XXYLT1: variants seen among roughly 807,000 people sequenced by gnomAD.
XXYLT1 encodes UDP-xylose:alpha-xyloside alpha-1,3-xylosyltransferase.
XXYLT1 carries 20 observed loss-of-function variants against 28.9 expected under a neutral mutation model. The observed-to-expected ratio is 0.69, with a 90% CI of 0.49 to 1.00. The LOEUF (loss-of-function observed/expected upper bound fraction) is 1.00. Among genes scored for constraint, XXYLT1 ranks in the 50% least tolerant of loss-of-function variants. The pLI is 0.00. For synonymous variants in XXYLT1, 257 were observed against 253.8 expected (o/e 1.01, Z -0.12); for missense variants, 542 against 560.1 (o/e 0.97, Z 0.33).
At chr3:195,141,038 G>A (rs73206651) in intron 3 of XXYLT1, among the ~76,000 whole-genome samples, 17,831 of 152,058 alleles carry the variant, frequency 0.12, 1,185 homozygotes, top group East Asian at 0.27. Context: ...GATACAAGAC[G>A]GCCATCTGCA....
intron 1 of XXYLT1, among the ~76,000 whole-genome samples, chr3:195,260,313 C>G (rs2108853179): frequency 6.6e-6 from 1 of 152,038 alleles, no homozygotes; most frequent in South Asian, 2.1e-4. Flanking sequence ...ACGCCCGACG[C>G]CCGCGGCCCC....
chr3:195,154,651 G>A (rs1236339611), intron 3 of XXYLT1, among the ~76,000 whole-genome samples: 2 of 152,108 alleles, frequency 1.3e-5, no homozygotes, highest in African/African-American at 2.4e-5. Context: ...GAGGAGTAAC[G>A]CAAACCCCAG....
At chr3:195,204,537 T>TGGCC (rs1722993300) in intron 2 of XXYLT1, among the ~76,000 whole-genome samples, 1 of 151,744 alleles carries the variant, frequency 6.6e-6, no homozygotes, top group African/African-American at 2.4e-5. Flanking sequence ...TCTGAACTGC[T>TGGCC]GGCCAGCCAG....
Position 195,069,942 on chromosome 3 carries a change from C to A in XXYLT1, c.955G>T (p.Ala319Ser). The stretch of plus-strand genomic sequence containing the variant: ...TGGCCGCGGAAGTGGTACTTGTCGG[C>A]CAGCTGCTGCACCTGCGCCGGCTCC... ...LLEPAQVQQL[A>S]DKYHFRGHLG... Residue 319 changes from alanine (A) to serine (S), a missense_variant, in exon 4 of 4, where the codon GCC becomes TCC. Physicochemically the swap from Ala to Ser is moderately conservative, Grantham distance 99. Transcript: ENST00000310380. 2 of 1,612,822 alleles carry A rather than the reference C, an allele frequency of 1.2e-6. No homozygotes were observed. Among genetic ancestry groups the A allele is most frequent in the South Asian group, 1.1e-5 (1 of 91,072 alleles).
chr3:195,109,865 T>TGA (rs1257088843), intron 3 of XXYLT1, among the ~76,000 whole-genome samples: 2 of 62,464 alleles, frequency 3.2e-5, no homozygotes, highest in Non-Finnish European at 7.9e-5. Flanking sequence ...CCTGTGTGTG[T>TGA]GGTGTATGTG....
At position 195,120,617 on chromosome 3, in the gene XXYLT1, T is replaced by C. The variant is rs374148030; in HGVS notation, c.785+35832A>G. Among the ~76,000 whole-genome samples the C allele has an allele frequency of 7.2e-5, 11 of 152,334 alleles. 1 individual carries two copies. The highest frequency in any genetic ancestry group is 6.5e-4 in the Admixed American group (10 of 15,306). On this transcript the variant is annotated intron_variant, in intron 3 of 3. Coordinates refer to ENST00000310380, the MANE Select transcript of XXYLT1 (RefSeq NM_152531.5). The stretch of plus-strand genomic sequence containing the variant: ...CACCCCTGTATTCCCATGACTATCG[T>C]TAGCATTGCTATTATCCCTGCAGTG...
rs1466811496 is a variant in XXYLT1, at chr3:195,107,577, AGG to A, written c.786-37468_786-37467del. Among the ~76,000 whole-genome samples the A allele has an allele frequency of 6.4e-4, 8 of 12,440 alleles. 1 individual carries two copies. The highest frequency in any genetic ancestry group is 3.0e-3 in the East Asian group (1 of 336). The allele number at this position is 12,440 out of a possible 152,430, so 8.2% of individuals were successfully genotyped here. On this transcript the variant is annotated intron_variant, in intron 3 of 3. Coordinates refer to ENST00000310380, the MANE Select transcript of XXYLT1 (RefSeq NM_152531.5). ...GGAAGAGGGGGAGAGGAGGAGGGGG[AGG>A]AGGAGGGGGAGGAGGAGGGGGAGGA...
chr3:195,143,746 T>A (rs1719609194), intron 3 of XXYLT1, among the ~76,000 whole-genome samples: 3 of 146,064 alleles, frequency 2.1e-5, no homozygotes, highest in Non-Finnish European at 4.5e-5. Flanking sequence ...TACTAGATGA[T>A]CACCTTTTCT....
chr3:195,155,226 C>T (rs1273663525), intron 3 of XXYLT1, among the ~76,000 whole-genome samples: 2 of 152,244 alleles, frequency 1.3e-5, no homozygotes, highest in Non-Finnish European at 2.9e-5. Flanking sequence ...CTCTTCACCC[C>T]CTCTTTCTGA....
intron 3 of XXYLT1, among the ~76,000 whole-genome samples, chr3:195,145,570 T>G (rs1397892400): frequency 2.9e-5 from 4 of 139,580 alleles, no homozygotes; most frequent in Admixed American, 2.7e-4. Flanking sequence ...CACTCCACGG[T>G]GACCGGCATT....
chr3:195,211,271 G>A, intron 2 of XXYLT1, among the ~76,000 whole-genome samples: 1 of 152,178 alleles, frequency 6.6e-6, no homozygotes, highest in East Asian at 1.9e-4. Flanking sequence ...GCTCACGCCT[G>A]TAATCCCAGC....
At chr3:195,112,774 C>T (rs1357319717) in intron 3 of XXYLT1, among the ~76,000 whole-genome samples, 1 of 151,236 alleles carries the variant, frequency 6.6e-6, no homozygotes, top group Admixed American at 6.6e-5. Context: ...CACACACACA[C>T]ACCCATGCAC....
In XXYLT1 at chr3:195,077,323, C is replaced by T. The variant is rs566319564; in HGVS notation, c.786-7212G>A. ...TGCAATCTCAACCCAGAGGCAGTGCCGCAATAACATGGATGGAATGGGGAA... is the reference window on the plus strand; with the variant it reads ...TGCAATCTCAACCCAGAGGCAGTGCTGCAATAACATGGATGGAATGGGGAA... On this transcript the variant is annotated intron_variant, in intron 3 of 3. Transcript: ENST00000310380. This position sits in a 1 kb window ranked among gnomAD's most constrained non-coding sequence, Gnocchi z 4.8. 1.3e-5 allele frequency among the ~76,000 whole-genome samples: 2 copies of T among 152,188 alleles called. No homozygotes were observed. Among genetic ancestry groups the T allele is most frequent in the Non-Finnish European group, 1.5e-5 (1 of 68,016 alleles).
In XXYLT1 at chr3:195,173,675, A is replaced by T. The variant is rs1461166349; in HGVS notation, c.653-17094T>A. 6.6e-6 allele frequency among the ~76,000 whole-genome samples: 1 copy of T among 152,220 alleles called. No homozygotes were observed. Among genetic ancestry groups the T allele is most frequent in the African/African-American group, 2.4e-5 (1 of 41,446 alleles). Reference sequence around the variant, plus strand: ...CCACAGTAGTCCACTGACTCGGGGTAAAGTACGGGCTCAGGGGAATCCTAC... The same window carrying T: ...CCACAGTAGTCCACTGACTCGGGGTTAAGTACGGGCTCAGGGGAATCCTAC... On this transcript the variant is annotated intron_variant, in intron 2 of 3. Transcript: ENST00000310380. The surrounding 1 kb of genome is among the most constrained non-coding windows in gnomAD (Gnocchi z 4.3).
chr3:195,212,925 C>T (rs910966275), intron 2 of XXYLT1, among the ~76,000 whole-genome samples: 24 of 152,328 alleles, frequency 1.6e-4, no homozygotes, highest in Admixed American at 4.6e-4. Context: ...GCCGCGAGGG[C>T]GCTCCACCCA....
intron 3 of XXYLT1, among the ~76,000 whole-genome samples, chr3:195,088,154 C>G (rs1020742911): frequency 4.0e-5 from 6 of 151,228 alleles, no homozygotes; most frequent in East Asian, 3.9e-4. Context: ...ACAAAGCAGC[C>G]GGGAAGCTCG....
At chr3:195,250,253 C>T (rs1008705727) in intron 1 of XXYLT1, among the ~76,000 whole-genome samples, 1 of 152,208 alleles carries the variant, frequency 6.6e-6, no homozygotes, top group African/African-American at 2.4e-5. Flanking sequence ...TGACAGCTTC[C>T]CTGCCCATCC....
At chr3:195,114,169 C>A (rs1351680429) in intron 3 of XXYLT1, among the ~76,000 whole-genome samples, 1 of 152,230 alleles carries the variant, frequency 6.6e-6, no homozygotes, top group Non-Finnish European at 1.5e-5. Context: ...ATGGTGGCAG[C>A]CAATCATCCT....
chr3:195,226,642 T>C, intron 2 of XXYLT1, 67 bp downstream of exon 2: 1 of 1,569,166 alleles, frequency 6.4e-7, no homozygotes. Flanking sequence ...TGGGCAGTGT[T>C]GGAACCAGGG....
Sources: gnomAD v4.1 joint callset for allele counts (sites outside exome capture counted in the v4.1 genomes callset) on GRCh38, gnomAD v4.1.1 for gene constraint, Gnocchi (gnomAD v3.1) non-coding constraint, MANE v1.5 for transcripts, NCBI Gene and HGNC (gene_info 2026-07-23, HGNC 2026-07-21) for gene names.